The following TENM3 variants were observed in gnomAD, a reference collection of about 807,000 sequenced individuals.
TENM3 encodes the protein teneurin-3.
A neutral mutation model predicts 255.1 loss-of-function variants in TENM3; 63 were observed. The observed-to-expected ratio is 0.25, with a 90% CI of 0.20 to 0.30. TENM3 has a LOEUF of 0.30. Ranked by LOEUF, TENM3 falls within the 10% of genes least tolerant of loss-of-function variation. The probability of loss-of-function intolerance (pLI) is 1.00; values close to 1 mark genes in which losing one functional copy is unlikely to be tolerated. For synonymous variants in TENM3, 1,306 were observed against 1,322.3 expected, an observed-to-expected ratio of 0.99 and a Z score of 0.27; for missense variants, 2,929 against 3,461.1, an observed-to-expected ratio of 0.85 and a Z score of 3.86.
Position 182,531,202 on chromosome 4 carries a change from T to A in TENM3, c.512-69722T>A, listed in dbSNP as rs186729543. 7.9e-3 allele frequency among the ~76,000 whole-genome samples: 1,210 copies of A among 152,314 alleles called. 14 individuals are homozygous for A. The highest frequency in any genetic ancestry group is 0.013 in the Non-Finnish European group (897 of 68,024). On this transcript the variant is annotated intron_variant, in intron 3 of 27. Transcript: ENST00000511685. Reference sequence around the variant, plus strand: ...GGAGTATTCACTTTTGTTAAATACTTCCGAGACATTCAATAAGAAATGCTA... The same window carrying A: ...GGAGTATTCACTTTTGTTAAATACTACCGAGACATTCAATAAGAAATGCTA...
intron 3 of TENM3, among the ~76,000 whole-genome samples, chr4:182,518,977 G>A (rs1738282479): frequency 6.6e-6 from 1 of 152,116 alleles, no homozygotes; most frequent in African/African-American, 2.4e-5. Context: ...CTCACTGCAG[G>A]TTTTATGAAC....
At chr4:182,448,927 G>T (rs1773185931) in intron 3 of TENM3, 1 of 352,630 alleles carries the variant, frequency 2.8e-6, no homozygotes, top group Non-Finnish European at 5.8e-6. Flanking sequence ...CTCGGCGGCC[G>T]GGTGTAAACA....
the TENM3 span, among the ~76,000 whole-genome samples, chr4:182,059,542 A>T: frequency 2.0e-5 from 3 of 152,106 alleles, no homozygotes; most frequent in Non-Finnish European, 4.4e-5. Context: ...GAAAATATAG[A>T]TACTGCATAC....
chr4:182,161,673 A>ATATATATATG (rs1386724701), intron 1 of TENM3, among the ~76,000 whole-genome samples: 2 of 60,030 alleles, frequency 3.3e-5, no homozygotes, highest in African/African-American at 1.2e-4. Flanking sequence ...AAATATATAT[A>ATATATATATG]TGTATATATA....
At chr4:182,232,102 A>G (rs1756619481) in intron 1 of TENM3, among the ~76,000 whole-genome samples, 3 of 152,088 alleles carry the variant, frequency 2.0e-5, no homozygotes, top group South Asian at 4.1e-4. Context: ...TCTTGTTTTG[A>G]GGTCTTTGGA....
At chr4:182,195,691 C>T (rs1377208619) in intron 1 of TENM3, among the ~76,000 whole-genome samples, 3 of 152,110 alleles carry the variant, frequency 2.0e-5, no homozygotes, top group East Asian at 1.9e-4. Flanking sequence ...AACTTCGCTA[C>T]ACTCAGTATT....
At chr4:182,072,705 G>A in the TENM3 span, among the ~76,000 whole-genome samples, 2 of 152,112 alleles carry the variant, frequency 1.3e-5, no homozygotes, top group African/African-American at 4.8e-5. Context: ...CATTCTTTGG[G>A]TTGTATTTGT....
chr4:182,318,384 T>A (rs922386400), intron 1 of TENM3, among the ~76,000 whole-genome samples: 9 of 152,186 alleles, frequency 5.9e-5, no homozygotes, highest in Admixed American at 1.3e-4. Flanking sequence ...TTTCTAAAGA[T>A]ACAATTAAAA....
the TENM3 span, among the ~76,000 whole-genome samples, chr4:181,914,549 G>A: frequency 6.6e-6 from 1 of 152,184 alleles, no homozygotes; most frequent in Non-Finnish European, 1.5e-5. Context: ...CCGGTACCCA[G>A]CATTGTCCAC....
In TENM3 at chr4:182,321,348, G is replaced by A. The variant is rs188357936; in HGVS notation, c.-75-2598G>A. ...TCATCTAAAATAACTTCTTGGGGCC[G>A]GGCGCGGTGGCTCACTCCTGTAATC... On this transcript the variant is annotated intron_variant, in intron 1 of 27. Transcript: ENST00000511685. 6.7e-4 allele frequency among the ~76,000 whole-genome samples: 102 copies of A among 152,268 alleles called. 2 individuals carry two copies. The highest frequency in any genetic ancestry group is 2.3e-3 in the African/African-American group (95 of 41,562).
At chr4:181,641,610 TA>T in the TENM3 span, among the ~76,000 whole-genome samples, 1 of 87,282 alleles carries the variant, frequency 1.1e-5, no homozygotes, top group Non-Finnish European at 2.3e-5. Context: ...TGTGTGTATA[TA>T]TATATATATG....
chr4:182,794,395 G>T (rs6822631), intron 26 of TENM3, among the ~76,000 whole-genome samples: 8,586 of 152,276 alleles, frequency 0.056, 333 homozygotes, highest in South Asian at 0.12. Flanking sequence ...ATACATGTGT[G>T]AAGTTCTCAT....
chr4:181,612,176 A>G, the TENM3 span, among the ~76,000 whole-genome samples: 1 of 152,034 alleles, frequency 6.6e-6, no homozygotes, highest in Non-Finnish European at 1.5e-5. Context: ...TTCATTCATC[A>G]TTTCAGAGAT....
At chr4:181,804,372 A>G in the TENM3 span, among the ~76,000 whole-genome samples, 1 of 152,248 alleles carries the variant, frequency 6.6e-6, no homozygotes. Flanking sequence ...ATGTTTGCAG[A>G]TAAAATATAA....
At chr4:182,442,952 T>C (rs1017395604) in intron 3 of TENM3, among the ~76,000 whole-genome samples, 1 of 151,930 alleles carries the variant, frequency 6.6e-6, no homozygotes, top group Non-Finnish European at 1.5e-5. Flanking sequence ...CTTGAACTCC[T>C]GGGCTCAAAT....
chr4:181,665,888 A>G, the TENM3 span, among the ~76,000 whole-genome samples: 2 of 152,132 alleles, frequency 1.3e-5, no homozygotes, highest in Non-Finnish European at 2.9e-5. Flanking sequence ...AGATAAAATA[A>G]TGCATAAAAT....
At chr4:181,748,273 G>A in the TENM3 span, among the ~76,000 whole-genome samples, 20 of 152,116 alleles carry the variant, frequency 1.3e-4, no homozygotes, top group Non-Finnish European at 2.2e-4. Flanking sequence ...CCAAGTGCAT[G>A]GTAGGTTTGA....
intron 1 of TENM3, among the ~76,000 whole-genome samples, chr4:182,299,602 TA>T (rs1003555925): frequency 1.3e-5 from 2 of 152,234 alleles, no homozygotes; most frequent in Admixed American, 1.3e-4. Context: ...GAGAAATCTC[TA>T]AATTACAGAT....
intron 3 of TENM3, among the ~76,000 whole-genome samples, chr4:182,474,541 A>G (rs1333838368): frequency 6.6e-6 from 1 of 152,182 alleles, no homozygotes; most frequent in Non-Finnish European, 1.5e-5. Context: ...GTTTCCAGAC[A>G]TTCTCAGGCA....
Sources: allele counts gnomAD v4.1 joint callset (sites outside exome capture counted in the v4.1 genomes callset), GRCh38; gene constraint gnomAD v4.1.1; transcripts MANE v1.5; gene names NCBI Gene and HGNC (gene_info 2026-07-23, HGNC 2026-07-21).